Variants in VPS13A observed in about 807,000 individuals in gnomAD.
VPS13A encodes the protein vacuolar protein sorting 13 homolog A.
VPS13A carries 264 observed loss-of-function variants against 390.9 expected under a neutral mutation model. That is an observed-to-expected ratio of 0.68 (90% CI 0.61 to 0.75). VPS13A has a LOEUF of 0.75. Among genes scored for constraint, VPS13A ranks in the 30% least tolerant of loss-of-function variants. The pLI is 0.00. For synonymous variants in VPS13A, 1,231 were observed against 1,227.1 expected (o/e 1.00, Z -0.07); for missense variants, 3,409 against 3,733.9 (o/e 0.91, Z 2.27).
At position 77,206,069 on chromosome 9, in the gene VPS13A, A is replaced by G; in HGVS notation, c.375A>G (p.Val125=). 1 of 1,571,942 alleles carries G rather than the reference A, an allele frequency of 6.4e-7. No homozygotes were observed. The highest frequency in any genetic ancestry group is 8.7e-7 in the Non-Finnish European group (1 of 1,155,858). Residue 125 remains valine, a synonymous_variant, in exon 5 of 72, where the codon GTA becomes GTG. Coordinates refer to ENST00000360280, the MANE Select transcript of VPS13A (RefSeq NM_033305.3). ...LKRIEEAKQK[V]VDQEQHLPEK... ...GAATAGAAGAAGCAAAACAAAAAGT[A>G]GTTGATCAAGGTAAAGAAAACAGTA...
intron 51 of VPS13A, 76 bp from the exon 52 acceptor site, chr9:77,344,933 T>C: frequency 2.0e-6 from 3 of 1,498,658 alleles, no homozygotes. Context: ...TTATGAATAG[T>C]CTGTTCTTAA....
chr9:77,245,333 G>A (rs746923742), intron 19 of VPS13A, among the ~76,000 whole-genome samples: 4 of 152,204 alleles, frequency 2.6e-5, no homozygotes, highest in Non-Finnish European at 5.9e-5. Context: ...AGATGGAAAT[G>A]AAGATAGAGA....
intron 19 of VPS13A, 95 bp from the exon 20 acceptor site, chr9:77,247,164 A>C: frequency 9.2e-7 from 1 of 1,086,120 alleles, no homozygotes; most frequent in Non-Finnish European, 1.3e-6. Flanking sequence ...CTAATTTTAC[A>C]TTAAGATTGT....
At position 77,393,165 on chromosome 9, in the gene VPS13A, C is replaced by A. The variant is rs150097247; in HGVS notation, c.9190-10071C>A. On this transcript the variant is annotated intron_variant, in intron 68 of 71. Coordinates refer to ENST00000360280, the MANE Select transcript of VPS13A (RefSeq NM_033305.3). ...TAGAATCTTCCCCGATAATAGATTCCATCTGGAGAAACCATTTTCTTTGCT... is the reference window on the plus strand; with the variant it reads ...TAGAATCTTCCCCGATAATAGATTCAATCTGGAGAAACCATTTTCTTTGCT... 1.7e-3 allele frequency among the ~76,000 whole-genome samples: 266 copies of A among 152,272 alleles called. 2 individuals carry two copies. The highest frequency in any genetic ancestry group is 5.8e-3 in the African/African-American group (241 of 41,562).
chr9:77,252,120 C>G, intron 21 of VPS13A, 115 bp from the exon 22 acceptor site: 1 of 840,226 alleles, frequency 1.2e-6, no homozygotes, highest in Non-Finnish European at 2.0e-6. Context: ...TTAAGATTAC[C>G]TAGATGTGGG....
intron 19 of VPS13A, among the ~76,000 whole-genome samples, chr9:77,240,218 G>A (rs892411984): frequency 5.3e-5 from 8 of 150,930 alleles, no homozygotes; most frequent in Middle Eastern, 3.4e-3. Context: ...GAGTAGCTGG[G>A]ATTACAGGCA....
chr9:77,203,774 TAC>T (rs989171070), intron 3 of VPS13A, among the ~76,000 whole-genome samples: 6 of 152,250 alleles, frequency 3.9e-5, no homozygotes, highest in African/African-American at 1.4e-4. Context: ...TCAAATTTGT[TAC>T]AGTTTTTTCA....
chr9:77,246,068 G>A (rs1173561156), intron 19 of VPS13A, among the ~76,000 whole-genome samples: 1 of 152,122 alleles, frequency 6.6e-6, no homozygotes, highest in Non-Finnish European at 1.5e-5. Flanking sequence ...TGAGGACTCT[G>A]CCCCCATGAC....
intron 26 of VPS13A, chr9:77,279,841 C>A: frequency 5.0e-6 from 1 of 198,714 alleles, no homozygotes; most frequent in South Asian, 9.3e-5. Flanking sequence ...TCTTCCTGCC[C>A]TTTCATTGTT....
chr9:77,328,686 C>T (rs370467455), intron 45 of VPS13A, among the ~76,000 whole-genome samples: 2 of 152,166 alleles, frequency 1.3e-5, no homozygotes, highest in East Asian at 1.9e-4. Flanking sequence ...CCTTAAACCT[C>T]GTGAACAAAC....
chr9:77,411,222 G>T (rs554152659), intron 71 of VPS13A, among the ~76,000 whole-genome samples: 3 of 152,138 alleles, frequency 2.0e-5, no homozygotes, highest in Admixed American at 6.5e-5. Flanking sequence ...CAGAAATAAA[G>T]ATGTTCTTTG....
chr9:77,395,785 ATCTAT>A (rs778704418), intron 68 of VPS13A: 16 of 152,336 alleles, frequency 1.1e-4, no homozygotes, highest in Admixed American at 3.9e-4. Context: ...GCAAGACAAA[ATCTAT>A]TCTATTTAAG....
intron 1 of VPS13A, among the ~76,000 whole-genome samples, chr9:77,198,782 G>T (rs1268614733): frequency 6.6e-6 from 1 of 151,984 alleles, no homozygotes; most frequent in Non-Finnish European, 1.5e-5. Flanking sequence ...TCCTGCCTTA[G>T]TCTCCCAAGT....
At chr9:77,382,253 A>T (rs765989261) in intron 68 of VPS13A, 166 bp downstream of exon 68, 8 of 1,471,168 alleles carry the variant, frequency 5.4e-6, no homozygotes, top group Non-Finnish European at 7.2e-6. Flanking sequence ...TTTATTTACT[A>T]TAAGATTTTT....
rs762431204 is a variant in VPS13A, at chr9:77,419,272, G to A, written c.*3266G>A. The A allele has an allele frequency of 2.7e-4, 41 of 152,082 alleles. No individual in the cohort carries two copies. The highest frequency in any genetic ancestry group is 3.2e-4 in the Non-Finnish European group (22 of 68,010). 9.4% of individuals were successfully genotyped at this position (152,082 alleles called of 1,614,324 possible). A position where few individuals can be genotyped will look rare whatever the true frequency, so the allele number is the denominator to read the frequency against. On this transcript the variant is annotated 3_prime_UTR_variant, in exon 72 of 72. Transcript: ENST00000360280. ...AGCTCAAGACCAGTATATTTTAAACGTGAAATAATAAAAAATAGAGGAACA... is the reference window on the plus strand; with the variant it reads ...AGCTCAAGACCAGTATATTTTAAACATGAAATAATAAAAAATAGAGGAACA...
chr9:77,415,588 T>C (rs1465684223), intron 71 of VPS13A, among the ~76,000 whole-genome samples: 1 of 152,188 alleles, frequency 6.6e-6, no homozygotes, highest in African/African-American at 2.4e-5. Flanking sequence ...TCTGGAATTG[T>C]GTGTAAGTAT....
intron 22 of VPS13A, among the ~76,000 whole-genome samples, chr9:77,259,473 G>T (rs1478321333): frequency 6.6e-6 from 1 of 152,172 alleles, no homozygotes. Context: ...ATCAGTGTGC[G>T]TACGTGGAAA....
intron 31 of VPS13A, among the ~76,000 whole-genome samples, chr9:77,285,468 ACATAT>A (rs1446075535): frequency 2.0e-5 from 3 of 152,172 alleles, no homozygotes; most frequent in African/African-American, 7.2e-5. Context: ...CTCATGAAAA[ACATAT>A]CATAGTAAAT....
intron 68 of VPS13A, among the ~76,000 whole-genome samples, chr9:77,393,656 C>T (rs184090616): frequency 1.1e-3 from 163 of 152,252 alleles, no homozygotes; most frequent in Non-Finnish European, 1.8e-3. Context: ...CTCTTGAGCC[C>T]GAGTGACTAG....
Sources: gnomAD v4.1 joint callset for allele counts (sites outside exome capture counted in the v4.1 genomes callset) on GRCh38, gnomAD v4.1.1 for gene constraint, MANE v1.5 for transcripts, NCBI Gene and HGNC (gene_info 2026-07-23, HGNC 2026-07-21) for gene names.